Variants in DNAI3 observed in about 807,000 individuals in gnomAD.
The protein encoded by DNAI3 is dynein axonemal intermediate chain 3, also known as WD repeat domain 63.
A neutral mutation model predicts 115.5 loss-of-function variants in DNAI3; 83 were observed. The ratio of observed to expected loss-of-function variants is 0.72; its 90% CI spans 0.60 to 0.86. DNAI3 has a LOEUF of 0.86. Ranked by LOEUF, DNAI3 falls within the 40% of genes least tolerant of loss-of-function variation. The pLI is 0.00. For synonymous variants in DNAI3, 320 were observed against 347.0 expected, an observed-to-expected ratio of 0.92 and a Z score of 0.86; for missense variants, 1,004 against 1,075.8, an observed-to-expected ratio of 0.93 and a Z score of 0.93.
chr1:85,072,954 CAAAAAA>C (rs35956778), intron 2 of DNAI3, 94 bp from the exon 3 acceptor site: 15 of 406,334 alleles, frequency 3.7e-5, no homozygotes, highest in South Asian at 1.1e-4. Context: ...GACTCCGTCT[CAAAAAA>C]AAAAAAAAAA....
chr1:85,066,724 G>T (rs537731081), intron 1 of DNAI3, among the ~76,000 whole-genome samples: 1 of 152,078 alleles, frequency 6.6e-6, no homozygotes, highest in South Asian at 2.1e-4. Context: ...AGTAGGATTG[G>T]ATATTGAAAA....
At chr1:85,105,878 G>T (rs976391376) in intron 14 of DNAI3, among the ~76,000 whole-genome samples, 2 of 152,198 alleles carry the variant, frequency 1.3e-5, no homozygotes, top group African/African-American at 4.8e-5. Context: ...AGCCAGGAAA[G>T]AAATGACAGA....
intron 18 of DNAI3, 99 bp from the exon 19 acceptor site, chr1:85,124,022 C>A: frequency 6.6e-7 from 1 of 1,513,152 alleles, no homozygotes; most frequent in South Asian, 1.2e-5. Flanking sequence ...CGACCCCATT[C>A]ATGGGGCCCT....
At position 85,084,250 on chromosome 1, in the gene DNAI3, G is replaced by GTATA. The variant is rs33956396; in HGVS notation, c.391-271_391-268dup. ...ATGTGTATATATATATCAGCAGTGT[G>GTATA]TATATATATATATATATATATATAT... On this transcript the variant is annotated intron_variant, in intron 5 of 22. Coordinates refer to ENST00000294664, the MANE Select transcript of DNAI3 (RefSeq NM_145172.5). Among the ~76,000 whole-genome samples the GTATA allele has an allele frequency of 4.1e-3, 345 of 85,002 alleles. 1 individual carries two copies. Among genetic ancestry groups the GTATA allele is most frequent in the African/African-American group, 1.0e-2 (276 of 27,670 alleles). The allele number at this position is 85,002 out of a possible 152,430, so 55.8% of individuals were successfully genotyped here. A position where few individuals can be genotyped will look rare whatever the true frequency, so the allele number is the denominator to read the frequency against.
Position 85,081,247 on chromosome 1 carries a change from T to C in DNAI3, c.117T>C (p.Ile39=). 3 of 1,579,088 alleles carry C rather than the reference T, an allele frequency of 1.9e-6. No individual in the cohort carries two copies. Among genetic ancestry groups the C allele is most frequent in the South Asian group, 2.4e-5 (2 of 83,202 alleles). Residue 39 remains isoleucine, a synonymous_variant, in exon 4 of 23, where the codon ATT becomes ATC. Transcript: ENST00000294664. ...VNMESMGHPE[I]YPLVLTTKTQ... ...TGTCTTTCCTAGGTCATCCAGAAAT[T>C]TATCCTTTAGTATTAACCACCAAGA...
At chr1:85,077,535 G>A (rs72720570) in intron 3 of DNAI3, among the ~76,000 whole-genome samples, 2,131 of 152,078 alleles carry the variant, frequency 0.014, 23 homozygotes, top group Non-Finnish European at 0.025. Context: ...CCATTGCTAC[G>A]TTCAACAATA....
chr1:85,094,582 C>A (rs1399314795), intron 10 of DNAI3, 27 bp downstream of exon 10: 2 of 1,607,970 alleles, frequency 1.2e-6, no homozygotes, highest in East Asian at 4.5e-5. Flanking sequence ...GCCTACATAG[C>A]CTAAATTTTC....
rs529864596 is a variant in DNAI3 at position 85,099,564 on chromosome 1, T to C, written c.1479+906T>C. Among the ~76,000 whole-genome samples, 590 of 152,280 alleles carry C rather than the reference T, an allele frequency of 3.9e-3. 2 individuals carry two copies. Among genetic ancestry groups the C allele is most frequent in the African/African-American group, 0.013 (548 of 41,550 alleles). On this transcript the variant is annotated intron_variant, in intron 13 of 22. Transcript: ENST00000294664. ...TGGCCATACTGCCCAAGGTAATTTATAGATTCAATGCCATCCCCATCAGGC... is the reference window on the plus strand; with the variant it reads ...TGGCCATACTGCCCAAGGTAATTTACAGATTCAATGCCATCCCCATCAGGC...
At chr1:85,072,828 G>T (rs574498157) in intron 2 of DNAI3, among the ~76,000 whole-genome samples, 1 of 148,632 alleles carries the variant, frequency 6.7e-6, no homozygotes, top group East Asian at 2.0e-4. Flanking sequence ...GGTGGCGGGC[G>T]CCTCTAGTCC....
chr1:85,117,725 A>G lies in DNAI3; in HGVS notation c.1787-4A>G. 6.2e-7 allele frequency: 1 copy of G among 1,612,996 alleles called. No individual in the cohort carries two copies. Among genetic ancestry groups the G allele is most frequent in the Non-Finnish European group, 8.5e-7 (1 of 1,179,212 alleles). ...TACTTCTTCTACCCACACTCCTCTG[A>G]AAGACAAAATGTTAGCACAGAGCAA... is the stretch of plus-strand genomic sequence containing the variant. On this transcript the variant is annotated splice_region_variant and splice_polypyrimidine_tract_variant and intron_variant, in intron 16 of 22. Transcript: ENST00000294664.
chr1:85,081,137 C>T, intron 3 of DNAI3, 97 bp from the exon 4 acceptor site: 1 of 978,262 alleles, frequency 1.0e-6, no homozygotes, highest in East Asian at 3.1e-5. Flanking sequence ...TAAAATTTAA[C>T]CAAGATAATT....
intron 22 of DNAI3, 181 bp downstream of exon 22, chr1:85,130,293 G>A (rs1295780179): frequency 1.3e-6 from 1 of 772,446 alleles, no homozygotes; most frequent in Non-Finnish European, 2.0e-6. Flanking sequence ...GACACGTAGT[G>A]AGATTCTGTC....
At chr1:85,087,471 A>T (rs1296515293) in intron 7 of DNAI3, among the ~76,000 whole-genome samples, 2 of 151,430 alleles carry the variant, frequency 1.3e-5, no homozygotes, top group Non-Finnish European at 2.9e-5. Flanking sequence ...AAAGAAAGAA[A>T]AAAAAAGGCA....
chr1:85,113,158 A>G (rs1655707548), intron 16 of DNAI3, among the ~76,000 whole-genome samples: 6 of 152,194 alleles, frequency 3.9e-5, no homozygotes, highest in Admixed American at 3.3e-4. Flanking sequence ...TGATTTTTAA[A>G]TATTTTCTCC....
At chr1:85,082,480 C>CT in intron 5 of DNAI3, 76 bp downstream of exon 5, 1 of 1,173,818 alleles carries the variant, frequency 8.5e-7, no homozygotes, top group Non-Finnish European at 1.3e-6. Context: ...GGCTCTTGCT[C>CT]TGTCACCCAG....
In DNAI3 at chr1:85,128,588, C is replaced by T. The variant is rs1571204937; in HGVS notation, c.2318-120C>T. On this transcript the variant is annotated intron_variant, in intron 20 of 22. Coordinates refer to ENST00000294664, the MANE Select transcript of DNAI3 (RefSeq NM_145172.5). The stretch of plus-strand genomic sequence containing the variant: ...GAACATCTGATGAAAATGCCAAGAT[C>T]ACTGGAACCACAGCAGGTCCTTTGG... 17 of 723,582 alleles carry T rather than the reference C, an allele frequency of 2.3e-5. No homozygotes were observed. In the East Asian group the frequency reaches 4.3e-4, roughly 18 times the overall value. The allele number at this position is 723,582 out of a possible 1,614,324, so 44.8% of individuals were successfully genotyped here. A position where few individuals can be genotyped will look rare whatever the true frequency, so the allele number is the denominator to read the frequency against.
chr1:85,090,091 A>G (rs1654927087), intron 7 of DNAI3, 25 bp from the exon 8 acceptor site: 3 of 1,324,084 alleles, frequency 2.3e-6, no homozygotes, highest in Non-Finnish European at 3.1e-6. Flanking sequence ...AATCTTTAGT[A>G]TTGAATTTTC....
intron 1 of DNAI3, 101 bp from the exon 2 acceptor site, chr1:85,071,827 A>G (rs1197590284): frequency 1.3e-5 from 16 of 1,204,664 alleles, no homozygotes; most frequent in Admixed American, 2.6e-5. Context: ...AATCTTAGAA[A>G]ACATATTCTT....
intron 17 of DNAI3, among the ~76,000 whole-genome samples, chr1:85,121,026 A>G (rs1655979332): frequency 6.6e-6 from 1 of 152,232 alleles, no homozygotes; most frequent in African/African-American, 2.4e-5. Flanking sequence ...CAATGGAATT[A>G]GGAGATCGCA....
Sources: gnomAD v4.1 joint callset for allele counts (sites outside exome capture counted in the v4.1 genomes callset) on GRCh38, gnomAD v4.1.1 for gene constraint, MANE v1.5 for transcripts, NCBI Gene and HGNC (gene_info 2026-07-23, HGNC 2026-07-21) for gene names.